CRIM1: variants seen among roughly 807,000 people sequenced by gnomAD.
CRIM1 encodes the protein cysteine-rich motor neuron 1 protein.
Under a neutral mutation model 116.4 loss-of-function variants are expected in CRIM1, and 32 were observed. That is an observed-to-expected ratio of 0.27 (90% CI 0.21 to 0.37). The LOEUF is 0.37. Ranked by LOEUF, CRIM1 falls within the 10% of genes least tolerant of loss-of-function variation. The pLI is 1.00. For missense variants in CRIM1, 1,331 were observed against 1,354.8 expected (o/e 0.98, Z 0.28); for synonymous variants, 590 against 509.2 (o/e 1.16, Z -2.13).
At chr2:36,481,302 T>G (rs543304023) in intron 7 of CRIM1, among the ~76,000 whole-genome samples, 1 of 152,286 alleles carries the variant, frequency 6.6e-6, no homozygotes, top group African/African-American at 2.4e-5. Flanking sequence ...TATAACTCAT[T>G]TATTACCATT....
At chr2:36,408,449 A>G (rs1194693204) in intron 2 of CRIM1, among the ~76,000 whole-genome samples, 2 of 152,100 alleles carry the variant, frequency 1.3e-5, no homozygotes, top group Non-Finnish European at 2.9e-5. Context: ...TGGCCCCCAC[A>G]AAGGTTTTTC....
At chr2:36,444,932 C>T (rs992701067) in intron 4 of CRIM1, among the ~76,000 whole-genome samples, 1 of 152,192 alleles carries the variant, frequency 6.6e-6, no homozygotes, top group Non-Finnish European at 1.5e-5. Context: ...GTGTCCCTCT[C>T]TGCTCCCTTG....
intron 4 of CRIM1, among the ~76,000 whole-genome samples, chr2:36,452,219 T>C (rs1361033526): frequency 6.6e-6 from 1 of 152,138 alleles, no homozygotes; most frequent in Non-Finnish European, 1.5e-5. Context: ...TCCAGCTGCT[T>C]TTTGGGAGTA....
chr2:36,478,517 A>T (rs954390457), intron 6 of CRIM1, among the ~76,000 whole-genome samples: 4 of 152,210 alleles, frequency 2.6e-5, no homozygotes, highest in African/African-American at 7.2e-5. Context: ...ACAGGAATTT[A>T]AAAAATCTTC....
At chr2:36,426,310 A>G (rs930608532) in intron 2 of CRIM1, among the ~76,000 whole-genome samples, 1 of 152,154 alleles carries the variant, frequency 6.6e-6, no homozygotes, top group Non-Finnish European at 1.5e-5. Context: ...CCCAGTAATG[A>G]TATCTTGACT....
intron 4 of CRIM1, among the ~76,000 whole-genome samples, chr2:36,450,368 C>T (rs1676613964): frequency 2.0e-5 from 3 of 152,290 alleles, no homozygotes; most frequent in South Asian, 4.1e-4. Flanking sequence ...GTGTGTGTGT[C>T]TTCTCTGTCT....
intron 2 of CRIM1, among the ~76,000 whole-genome samples, chr2:36,436,865 A>G (rs1394212314): frequency 6.6e-6 from 1 of 152,252 alleles, no homozygotes; most frequent in East Asian, 1.9e-4. Flanking sequence ...CAGAAATTTA[A>G]TATCACTCTT....
chr2:36,533,479 G>A lies in CRIM1; in HGVS notation c.2429-3873G>A, dbSNP rs141960926. On this transcript the variant is annotated intron_variant, in intron 13 of 16. Coordinates refer to ENST00000280527, the MANE Select transcript of CRIM1 (RefSeq NM_016441.3). The stretch of plus-strand genomic sequence containing the variant: ...TATCCAGGCATAATGGTGCATACTA[G>A]TAGTCCTAACTACTCAGGAGGTTAA... Among the ~76,000 whole-genome samples the A allele has an allele frequency of 1.6e-3, 237 of 150,652 alleles. 1 individual carries two copies. Among genetic ancestry groups the A allele is most frequent in the Middle Eastern group, 6.9e-3 (2 of 288 alleles).
intron 1 of CRIM1, chr2:36,378,543 T>TA: frequency 2.8e-6 from 1 of 360,208 alleles, no homozygotes; most frequent in Non-Finnish European, 5.5e-6. Context: ...ATTTTTTTTT[T>TA]AAACTTAAGG....
At position 36,371,696 on chromosome 2, in the gene CRIM1, G is replaced by T. The variant is rs535420554; in HGVS notation, c.331+15073G>T. Among the ~76,000 whole-genome samples the T allele has an allele frequency of 1.5e-4, 23 of 152,220 alleles. 1 individual carries two copies. The highest frequency in any genetic ancestry group is 6.8e-3 in the Middle Eastern group (2 of 292). ...ATATTTAAAGATAATTTTTATTTGTGTGGACTTTTCTTCTTGTCAGTTTGT... is the reference window on the plus strand; with the variant it reads ...ATATTTAAAGATAATTTTTATTTGTTTGGACTTTTCTTCTTGTCAGTTTGT... On this transcript the variant is annotated intron_variant, in intron 1 of 16. Coordinates refer to ENST00000280527, the MANE Select transcript of CRIM1 (RefSeq NM_016441.3).
At chr2:36,414,881 G>C (rs1158321604) in intron 2 of CRIM1, among the ~76,000 whole-genome samples, 2 of 152,202 alleles carry the variant, frequency 1.3e-5, no homozygotes, top group Non-Finnish European at 2.9e-5. Context: ...TTTATTCTAA[G>C]TATAATAGGA....
intron 1 of CRIM1, among the ~76,000 whole-genome samples, chr2:36,381,173 T>A (rs748340529): frequency 6.6e-6 from 1 of 152,218 alleles, no homozygotes; most frequent in Non-Finnish European, 1.5e-5. Context: ...CTCTGGAATG[T>A]GGCACTCTGA....
chr2:36,425,405 G>T (rs1347534688), intron 2 of CRIM1, among the ~76,000 whole-genome samples: 1 of 152,138 alleles, frequency 6.6e-6, no homozygotes, highest in African/African-American at 2.4e-5. Context: ...ACTGGTACAG[G>T]TCGGTGTTAG....
At chr2:36,490,072 G>A (rs1488497142) in intron 7 of CRIM1, among the ~76,000 whole-genome samples, 1 of 152,164 alleles carries the variant, frequency 6.6e-6, no homozygotes, top group Non-Finnish European at 1.5e-5. Flanking sequence ...GACAAAAAAT[G>A]ATGCTTAAGT....
chr2:36,417,829 A>G (rs1370064711), intron 2 of CRIM1, among the ~76,000 whole-genome samples: 1 of 152,244 alleles, frequency 6.6e-6, no homozygotes, highest in Non-Finnish European at 1.5e-5. Flanking sequence ...ATTTACAGGT[A>G]CGAGAAAAAT....
Position 36,356,329 on chromosome 2 carries a change from T to A in CRIM1, c.37T>A (p.Cys13Ser). 1 of 1,580,688 alleles carries A rather than the reference T, an allele frequency of 6.3e-7. No homozygotes were observed. The highest frequency in any genetic ancestry group is 8.6e-7 in the Non-Finnish European group (1 of 1,166,278). ...LVAGDRGLAG[C>S]GHLLVSLLGL... ...GGCGGGGGACAGGGGGTTGGCCGGC[T>A]GCGGGCACCTCCTGGTCTCGCTGCT... Residue 13 changes from cysteine to serine, a missense_variant, in exon 1 of 17, where the codon TGC (cysteine) becomes AGC (serine). Physicochemically the swap from Cys to Ser is moderately radical, Grantham distance 112. This residue lies in a region of CRIM1 where 690 missense variants were observed against 676.0 expected (regional missense o/e 1.02). Coordinates refer to ENST00000280527, the MANE Select transcript of CRIM1 (RefSeq NM_016441.3). This position sits in a 1 kb window ranked among gnomAD's most constrained non-coding sequence, Gnocchi z 4.3.
intron 9 of CRIM1, among the ~76,000 whole-genome samples, chr2:36,511,036 ACCTCAG>A (rs913394547): frequency 1.0e-4 from 15 of 143,816 alleles, no homozygotes; most frequent in Admixed American, 2.9e-4. Flanking sequence ...CAGTCCTCCC[ACCTCAG>A]CCTCAGCCTC....
intron 7 of CRIM1, 116 bp downstream of exon 7, chr2:36,479,810 T>G: frequency 1.0e-6 from 1 of 996,254 alleles, no homozygotes; most frequent in African/African-American, 1.6e-5. Context: ...TTCACGCTGT[T>G]ACCAGTTGCC....
intron 1 of CRIM1, among the ~76,000 whole-genome samples, chr2:36,374,338 T>C (rs2148315073): frequency 6.6e-6 from 1 of 152,336 alleles, no homozygotes; most frequent in South Asian, 2.1e-4. Context: ...TTGGGCCCAC[T>C]GCCATCTTTT....
Sources: allele counts gnomAD v4.1 joint callset (sites outside exome capture counted in the v4.1 genomes callset), GRCh38; gene constraint gnomAD v4.1.1; regional missense constraint gnomAD v4.1.1; non-coding constraint Gnocchi (gnomAD v3.1); transcripts MANE v1.5; gene names NCBI Gene and HGNC (gene_info 2026-07-23, HGNC 2026-07-21).